UNC5D: variants seen among roughly 807,000 people sequenced by gnomAD.
The protein encoded by UNC5D is unc-5 netrin receptor D, also known as netrin receptor UNC5D.
In UNC5D, 39 loss-of-function variants were observed where a neutral mutation model predicts 105.4. The observed-to-expected ratio is 0.37, with a 90% CI of 0.29 to 0.48. The LOEUF (loss-of-function observed/expected upper bound fraction) is 0.48, where lower values mean the gene tolerates loss of function less well. UNC5D is among the 20% of genes least tolerant of loss of function. UNC5D has a pLI of 0.98. For missense variants in UNC5D, 991 were observed against 1,202.4 expected (o/e 0.82, Z 2.60); for synonymous variants, 452 against 450.4 (o/e 1.00, Z -0.04).
At chr8:35,617,449 G>C (rs931533640) in intron 4 of UNC5D, among the ~76,000 whole-genome samples, 22 of 152,158 alleles carry the variant, frequency 1.4e-4, no homozygotes, top group African/African-American at 5.3e-4. Flanking sequence ...TTGAGCTTCA[G>C]TTCTAGAATC....
At chr8:35,420,478 G>T (rs1805825282) in intron 1 of UNC5D, among the ~76,000 whole-genome samples, 1 of 152,156 alleles carries the variant, frequency 6.6e-6, no homozygotes, top group Non-Finnish European at 1.5e-5. Flanking sequence ...TCTTGTGTGT[G>T]TCTTGAAGTA....
At chr8:35,295,913 G>C (rs940677849) in intron 1 of UNC5D, among the ~76,000 whole-genome samples, 1 of 152,070 alleles carries the variant, frequency 6.6e-6, no homozygotes, top group Non-Finnish European at 1.5e-5. Context: ...ATGTAAGTAG[G>C]ATCATACAGT....
chr8:35,671,822 G>A (rs1046769200), intron 4 of UNC5D, among the ~76,000 whole-genome samples: 8 of 151,892 alleles, frequency 5.3e-5, no homozygotes, highest in African/African-American at 1.5e-4. Context: ...TTTTCAGGAC[G>A]ATTAACTCAA....
chr8:35,677,232 T>G (rs2131307267), intron 4 of UNC5D, among the ~76,000 whole-genome samples: 1 of 152,292 alleles, frequency 6.6e-6, no homozygotes, highest in South Asian at 2.1e-4. Context: ...TTGTCACTTT[T>G]CATTGCACTA....
intron 3 of UNC5D, among the ~76,000 whole-genome samples, chr8:35,573,366 C>G (rs978260197): frequency 1.1e-4 from 16 of 152,014 alleles, no homozygotes; most frequent in African/African-American, 3.1e-4. Flanking sequence ...TCACTTGAGC[C>G]TAGGAGTTTT....
intron 1 of UNC5D, among the ~76,000 whole-genome samples, chr8:35,468,882 G>A (rs993473307): frequency 4.6e-5 from 7 of 152,202 alleles, no homozygotes; most frequent in African/African-American, 7.2e-5. Flanking sequence ...CTTACCAGGT[G>A]AGTTAGAAGA....
At chr8:35,486,402 G>T (rs1810826019) in intron 1 of UNC5D, among the ~76,000 whole-genome samples, 4 of 152,118 alleles carry the variant, frequency 2.6e-5, no homozygotes, top group Admixed American at 2.0e-4. Flanking sequence ...CTGATGGAGA[G>T]GGGCCCAAGG....
intron 8 of UNC5D, among the ~76,000 whole-genome samples, chr8:35,717,232 A>G (rs1312562260): frequency 6.6e-6 from 1 of 152,242 alleles, no homozygotes; most frequent in Non-Finnish European, 1.5e-5. Flanking sequence ...CTACGCTCCT[A>G]TGTTAATTCT....
At chr8:35,574,958 T>C (rs1245823984) in intron 3 of UNC5D, among the ~76,000 whole-genome samples, 2 of 152,134 alleles carry the variant, frequency 1.3e-5, no homozygotes, top group African/African-American at 4.8e-5. Context: ...TTGCATGCTG[T>C]TTCCTTCACA....
At chr8:35,523,000 A>G (rs1563497353) in intron 1 of UNC5D, among the ~76,000 whole-genome samples, 1 of 152,096 alleles carries the variant, frequency 6.6e-6, no homozygotes, top group South Asian at 2.1e-4. Context: ...AGCCTATTGC[A>G]TGGATCTAGA....
chr8:35,734,405 ATTTC>A (rs570469465), intron 11 of UNC5D, among the ~76,000 whole-genome samples: 6 of 140,346 alleles, frequency 4.3e-5, no homozygotes, highest in East Asian at 4.8e-4. Context: ...GACTTGGGGT[ATTTC>A]TTTCTTTCTT....
At chr8:35,583,011 AG>A (rs1460963366) in intron 3 of UNC5D, among the ~76,000 whole-genome samples, 1 of 152,116 alleles carries the variant, frequency 6.6e-6, no homozygotes. Flanking sequence ...TGCTTGTAGG[AG>A]TTGTAGAAAT....
At position 35,686,729 on chromosome 8, in the gene UNC5D, A is replaced by G; in HGVS notation, c.1084+20A>G. 3 of 1,554,286 alleles carry G rather than the reference A, an allele frequency of 1.9e-6. No individual in the cohort carries two copies. Among genetic ancestry groups the G allele is most frequent in the East Asian group, 2.4e-5 (1 of 41,200 alleles). ...TCCTAGGTAACACTTTTGCTTTAACATCTTCAGTGTTTGTTCATAATACCA... is the reference window on the plus strand; with the variant it reads ...TCCTAGGTAACACTTTTGCTTTAACGTCTTCAGTGTTTGTTCATAATACCA... On this transcript the variant is annotated intron_variant, in intron 7 of 16. Coordinates refer to ENST00000404895, the MANE Select transcript of UNC5D (RefSeq NM_080872.4).
At chr8:35,504,556 C>G (rs778753690) in intron 1 of UNC5D, among the ~76,000 whole-genome samples, 1 of 152,022 alleles carries the variant, frequency 6.6e-6, no homozygotes, top group Non-Finnish European at 1.5e-5. Context: ...TAAGGAAGGC[C>G]GAGGTTTTAC....
intron 1 of UNC5D, among the ~76,000 whole-genome samples, chr8:35,523,887 A>C (rs1813669421): frequency 2.3e-5 from 1 of 43,888 alleles, no homozygotes; most frequent in South Asian, 8.1e-4. Context: ...AATGGGTGCC[A>C]ATTTTAGCTC....
At chr8:35,260,415 C>T (rs1215995578) in intron 1 of UNC5D, among the ~76,000 whole-genome samples, 1 of 152,220 alleles carries the variant, frequency 6.6e-6, no homozygotes, top group Non-Finnish European at 1.5e-5. Context: ...GCGTCGTCCA[C>T]AAAGTACACA....
At chr8:35,701,014 G>A (rs1005317648) in intron 7 of UNC5D, among the ~76,000 whole-genome samples, 1 of 152,066 alleles carries the variant, frequency 6.6e-6, no homozygotes, top group Non-Finnish European at 1.5e-5. Context: ...TCTTTTTGGG[G>A]GTGGAAAAGG....
chr8:35,328,718 A>G (rs1342940299), intron 1 of UNC5D, among the ~76,000 whole-genome samples: 1 of 152,192 alleles, frequency 6.6e-6, no homozygotes, highest in Admixed American at 6.5e-5. Flanking sequence ...TAATAAAGTT[A>G]GATTGGCCCA....
intron 8 of UNC5D, 25 bp from the exon 9 acceptor site, chr8:35,722,185 T>C (rs1206713050): frequency 6.2e-7 from 1 of 1,607,704 alleles, no homozygotes; most frequent in Non-Finnish European, 8.5e-7. Flanking sequence ...TGCTGGTCAC[T>C]TACAATTTCT....
Sources: allele counts gnomAD v4.1 joint callset (sites outside exome capture counted in the v4.1 genomes callset), GRCh38; gene constraint gnomAD v4.1.1; transcripts MANE v1.5; gene names NCBI Gene and HGNC (gene_info 2026-07-23, HGNC 2026-07-21).